The following POF1B variants were observed in gnomAD, a reference collection of about 807,000 sequenced individuals.
POF1B encodes the protein protein POF1B.
In POF1B, 53 loss-of-function variants were observed where a neutral mutation model predicts 55.3. That is an observed-to-expected ratio of 0.96 (90% CI 0.77 to 1.20). POF1B has a LOEUF of 1.20. Among genes scored for constraint, POF1B ranks in the 50% most tolerant of loss-of-function variants. The pLI is 0.00. For missense variants in POF1B, 478 were observed against 420.5 expected (o/e 1.14, Z -1.20); for synonymous variants, 188 against 148.3 (o/e 1.27, Z -1.95).
At chrX:85,342,126 C>T (rs1404957638) in intron 6 of POF1B, among the ~76,000 whole-genome samples, 1 of 111,470 alleles carries the variant, frequency 9.0e-6, no homozygotes, top group Non-Finnish European at 1.9e-5. Flanking sequence ...AAAATGATCA[C>T]AGCAAGTTAT....
chrX:85,374,862 A>G (rs1187905821), intron 2 of POF1B, among the ~76,000 whole-genome samples: 1 of 112,356 alleles, frequency 8.9e-6, no homozygotes, highest in Non-Finnish European at 1.9e-5. Context: ...GAGATGTTAT[A>G]CTCAACTTAT....
intron 7 of POF1B, among the ~76,000 whole-genome samples, chrX:85,324,707 T>C (rs2147920506): frequency 9.0e-6 from 1 of 111,505 alleles, no homozygotes; most frequent in East Asian, 2.8e-4. Context: ...AGCTCATTTG[T>C]ATTCAAGGTT....
chrX:85,300,065 C>T (rs1932409904), intron 15 of POF1B, among the ~76,000 whole-genome samples: 1 of 112,148 alleles, frequency 8.9e-6, no homozygotes, highest in South Asian at 3.7e-4. Flanking sequence ...CCTGAGGTGG[C>T]TATAATAGTT....
At chrX:85,368,446 T>C (rs1383504341) in intron 2 of POF1B, among the ~76,000 whole-genome samples, 1 of 111,174 alleles carries the variant, frequency 9.0e-6, no homozygotes, top group East Asian at 2.8e-4. Flanking sequence ...AAAAAATAAT[T>C]CTCAAACCAA....
At position 85,345,918 on chromosome X, in the gene POF1B, A is replaced by G. The variant is rs2147934679; in HGVS notation, c.665T>C (p.Ile222Thr). Residue 222 changes from isoleucine (I) to threonine (T), a missense_variant, in exon 6 of 17, where the codon ATT becomes ACT. By Grantham distance (89) the Ile-to-Thr change is moderately conservative. Coordinates refer to ENST00000262753, the MANE Select transcript of POF1B (RefSeq NM_024921.4). ...QIQAITGNNP[I>T]STHIGNELCH... Reference sequence around the variant, plus strand: ...CAGTTCATTTCCAATATGTGTAGAAATTGGATTATTTCCTGTGATGGCTTG... The same window carrying G: ...CAGTTCATTTCCAATATGTGTAGAAGTTGGATTATTTCCTGTGATGGCTTG... The G allele has an allele frequency of 8.3e-7, 1 of 1,208,323 alleles. No homozygotes were observed. The highest frequency in any genetic ancestry group is 1.8e-5 in the South Asian group (1 of 56,696).
chrX:85,327,762 A>C (rs1932913163), intron 7 of POF1B, among the ~76,000 whole-genome samples: 1 of 112,433 alleles, frequency 8.9e-6, no homozygotes, highest in Non-Finnish European at 1.9e-5. Flanking sequence ...TTTTGCATTT[A>C]AAAGATACTA....
At chrX:85,328,937 A>T (rs976174899) in intron 7 of POF1B, among the ~76,000 whole-genome samples, 8 of 110,969 alleles carry the variant, frequency 7.2e-5, no homozygotes, top group African/African-American at 2.3e-4. Flanking sequence ...TGTCCTATAT[A>T]CTTCTGAATT....
At chrX:85,358,777 A>T (rs1422442020) in intron 4 of POF1B, among the ~76,000 whole-genome samples, 1 of 111,263 alleles carries the variant, frequency 9.0e-6, no homozygotes, top group African/African-American at 3.3e-5. Context: ...CTTATTATAA[A>T]TATTGTAATT....
At chrX:85,291,885 C>CCT (rs1437091243) in intron 15 of POF1B, among the ~76,000 whole-genome samples, 1 of 111,247 alleles carries the variant, frequency 9.0e-6, no homozygotes, top group Non-Finnish European at 1.9e-5. Context: ...AGTTTGACTT[C>CCT]CTCTCTTCCT....
chrX:85,372,433 C>G (rs1230886383), intron 2 of POF1B, among the ~76,000 whole-genome samples: 2 of 108,370 alleles, frequency 1.8e-5, no homozygotes, highest in Non-Finnish European at 3.8e-5. Flanking sequence ...AGATAATTGT[C>G]CATACCTTTG....
Position 85,348,768 on chromosome X carries a change from A to G in POF1B, c.540+2582T>C, listed in dbSNP as rs35345312. On this transcript the variant is annotated intron_variant, in intron 5 of 16. Transcript: ENST00000262753. Reference sequence around the variant, plus strand: ...CAGTAAATAGCAGCAGTATTCTCTTAAAGGAGCTAGTCTTTAGTTGTTCCA... The same window carrying G: ...CAGTAAATAGCAGCAGTATTCTCTTGAAGGAGCTAGTCTTTAGTTGTTCCA... Among the ~76,000 whole-genome samples, 807 of 111,755 alleles carry G rather than the reference A, an allele frequency of 7.2e-3. 14 individuals are homozygous for G. The highest frequency in any genetic ancestry group is 0.025 in the African/African-American group (765 of 30,886).
At chrX:85,324,390 T>C (rs771861165) in intron 7 of POF1B, among the ~76,000 whole-genome samples, 2 of 111,757 alleles carry the variant, frequency 1.8e-5, no homozygotes, top group Non-Finnish European at 3.8e-5. Context: ...TTTATGTATC[T>C]TGGTGTGCCT....
At chrX:85,339,179 C>T (rs777430088) in intron 6 of POF1B, among the ~76,000 whole-genome samples, 132 of 110,952 alleles carry the variant, frequency 1.2e-3, no homozygotes, top group Non-Finnish European at 2.2e-3. Flanking sequence ...CAAGCCATGT[C>T]TTACATGGAT....
chrX:85,298,652 T>C (rs751707420), intron 15 of POF1B, among the ~76,000 whole-genome samples: 1 of 112,150 alleles, frequency 8.9e-6, no homozygotes, highest in Admixed American at 9.5e-5. Flanking sequence ...TGGTCTTTTG[T>C]GGTGGGAGAA....
chrX:85,355,744 CAA>C (rs1447623612), intron 4 of POF1B, among the ~76,000 whole-genome samples: 1 of 111,961 alleles, frequency 8.9e-6, no homozygotes, highest in Non-Finnish European at 1.9e-5. Flanking sequence ...AAACACAAAT[CAA>C]AACCACAATG....
At chrX:85,334,641 A>C (rs1329346134) in intron 6 of POF1B, among the ~76,000 whole-genome samples, 1 of 111,172 alleles carries the variant, frequency 9.0e-6, no homozygotes, top group East Asian at 2.8e-4. Flanking sequence ...GTGCAACCAG[A>C]GGCAAATTAG....
At chrX:85,281,178 A>G (rs1931888347) in intron 16 of POF1B, among the ~76,000 whole-genome samples, 1 of 97,830 alleles carries the variant, frequency 1.0e-5, no homozygotes, top group Non-Finnish European at 2.0e-5. Context: ...ACATGTACAG[A>G]CTTTTTTTTT....
chrX:85,372,759 T>A (rs1195060838), intron 2 of POF1B, among the ~76,000 whole-genome samples: 5 of 102,873 alleles, frequency 4.9e-5, no homozygotes, highest in Non-Finnish European at 7.8e-5. Flanking sequence ...TTTATATATA[T>A]TATATTATAT....
chrX:85,355,125 ACAGAACAGAGCCCT>A (rs1933465591), intron 4 of POF1B, among the ~76,000 whole-genome samples: 1 of 111,503 alleles, frequency 9.0e-6, no homozygotes, highest in African/African-American at 3.3e-5. Context: ...GACCAATGGA[ACAGAACAGAGCCCT>A]CAGAAATAAT....
Sources: allele counts gnomAD v4.1 joint callset (sites outside exome capture counted in the v4.1 genomes callset), GRCh38; gene constraint gnomAD v4.1.1; transcripts MANE v1.5; gene names NCBI Gene and HGNC (gene_info 2026-07-23, HGNC 2026-07-21).